The following ZSWIM3 variants were observed in gnomAD, a reference collection of about 807,000 sequenced individuals.
ZSWIM3 encodes zinc finger SWIM-type containing 3.
ZSWIM3 carries 27 observed loss-of-function variants against 47.5 expected under a neutral mutation model. The ratio of observed to expected loss-of-function variants is 0.57; its 90% confidence interval spans 0.42 to 0.78. The LOEUF is 0.78. Among genes scored for constraint, ZSWIM3 ranks in the 30% least tolerant of loss-of-function variants. The pLI, the probability that ZSWIM3 is intolerant of heterozygous loss-of-function variation, is 0.00. For missense variants in ZSWIM3, 689 were observed against 861.3 expected, an observed-to-expected ratio of 0.80 and a Z score of 2.50; for synonymous variants, 333 against 333.9, an observed-to-expected ratio of 1.00 and a Z score of 0.03.
rs1240592825 is a variant in ZSWIM3 at position 45,876,637 on chromosome 20, C to A, written c.156-77C>A. On this transcript the variant is annotated intron_variant, in intron 1 of 1. Coordinates refer to ENST00000255152, the MANE Select transcript of ZSWIM3 (RefSeq NM_080752.4). ...TATAGGCATGAGCCACTGTACCCAG[C>A]CCCCTTCAGGGTCTTATCTTTATAA... The A allele has an allele frequency of 3.3e-6, 5 of 1,525,994 alleles. No individual in the cohort carries two copies. In the East Asian group the frequency reaches 1.1e-4, roughly 34 times the overall value. 94.5% of individuals were successfully genotyped at this position (1,525,994 alleles called of 1,614,324 possible). A position where few individuals can be genotyped will look rare whatever the true frequency, so the allele number is the denominator to read the frequency against.
At position 45,877,873 on chromosome 20, in the gene ZSWIM3, C is replaced by G. The variant is rs762486983; in HGVS notation, c.1315C>G (p.Pro439Ala). ...CTTGAAGAACTTGCCCACACCTCCTCCCAAATTAAAGAGAGCTCGGCCGGC... is the reference window on the plus strand; with the variant it reads ...CTTGAAGAACTTGCCCACACCTCCTGCCAAATTAAAGAGAGCTCGGCCGGC... ...KGLKNLPTPP[P>A]KLKRARPASM... The change falls in exon 2 of 2, where the codon CCC (proline) becomes GCC (alanine). Residue 439 changes from proline to alanine, a missense_variant. Transcript: ENST00000255152. 1.9e-6 allele frequency: 3 copies of G among 1,614,060 alleles called. No homozygotes were observed. Among genetic ancestry groups the G allele is most frequent in the African/African-American group, 2.7e-5 (2 of 74,932 alleles).
chr20:45,875,035 C>CTTTTTTT (rs35356697), intron 1 of ZSWIM3, among the ~76,000 whole-genome samples: 12 of 90,538 alleles, frequency 1.3e-4, no homozygotes, highest in African/African-American at 1.7e-4. Flanking sequence ...TTAATTTTAA[C>CTTTTTTT]TTTTTTTTTT....
intron 1 of ZSWIM3, among the ~76,000 whole-genome samples, chr20:45,870,586 A>G (rs1985951576): frequency 6.6e-6 from 1 of 152,182 alleles, no homozygotes. Context: ...TTTAAGTGGT[A>G]CTGATTATTC....
chr20:45,859,763 T>G (rs1985655254), intron 1 of ZSWIM3, among the ~76,000 whole-genome samples: 1 of 120,470 alleles, frequency 8.3e-6, no homozygotes. Context: ...CCTTTATGGG[T>G]AGGACCTTGC....
rs771401157 is a variant in ZSWIM3 at position 45,877,693 on chromosome 20, A to G, written c.1135A>G (p.Met379Val). The change falls in exon 2 of 2, where the codon ATG (methionine) becomes GTG (valine). Residue 379 changes from methionine to valine, a missense_variant. Physicochemically the swap from Met to Val is conservative, Grantham distance 21. Coordinates refer to ENST00000255152, the MANE Select transcript of ZSWIM3 (RefSeq NM_080752.4). ...HWFTCELLWY[M>V]HVRKGLLACN... is the part of the protein sequence containing the mutation. ...GTTCACCTGTGAACTGCTGTGGTAC[A>G]TGCATGTTAGGAAGGGCCTGCTTGC... 3 of 1,614,062 alleles carry G rather than the reference A, an allele frequency of 1.9e-6. No individual in the cohort carries two copies. The highest frequency in any genetic ancestry group is 1.1e-5 in the South Asian group (1 of 91,086).
chr20:45,861,165 C>T (rs62213291), intron 1 of ZSWIM3, among the ~76,000 whole-genome samples: 1 of 152,198 alleles, frequency 6.6e-6, no homozygotes, highest in South Asian at 2.1e-4. Context: ...CGTATAATTC[C>T]AGCACTTTGG....
chr20:45,877,633 G>A lies in ZSWIM3; in HGVS notation c.1075G>A (p.Asp359Asn). ...NLCQMSQAVL[D>N]EDLFNFLQAH... ...CTGCCAGATGTCCCAGGCCGTACTGGATGAGGATCTCTTCAACTTCCTGCA... is the reference window on the plus strand; with the variant it reads ...CTGCCAGATGTCCCAGGCCGTACTGAATGAGGATCTCTTCAACTTCCTGCA... Residue 359 changes from aspartate (D) to asparagine (N), a missense_variant, in exon 2 of 2, where the codon GAT (aspartate) becomes AAT (asparagine). Coordinates refer to ENST00000255152, the MANE Select transcript of ZSWIM3 (RefSeq NM_080752.4). 6.2e-7 allele frequency: 1 copy of A among 1,614,208 alleles called. No homozygotes were observed. Among genetic ancestry groups the A allele is most frequent in the Non-Finnish European group, 8.5e-7 (1 of 1,180,026 alleles).
chr20:45,877,441 CAGG>C lies in ZSWIM3; in HGVS notation c.886_888del (p.Glu296del), dbSNP rs773734126. ...TTCATTCCATTACCGGGCTATCCTG[CAGG>C]AGATCTTTCCTGCTGCCCGCATCCT... is the stretch of plus-strand genomic sequence containing the variant. On this transcript the variant is annotated inframe_deletion, in exon 2 of 2. Coordinates refer to ENST00000255152, the MANE Select transcript of ZSWIM3 (RefSeq NM_080752.4). The C allele has an allele frequency of 1.2e-6, 2 of 1,614,084 alleles. No individual in the cohort carries two copies. Among genetic ancestry groups the C allele is most frequent in the Non-Finnish European group, 8.5e-7 (1 of 1,180,046 alleles).
intron 1 of ZSWIM3, among the ~76,000 whole-genome samples, chr20:45,869,240 C>T (rs1180704377): frequency 1.3e-5 from 2 of 151,656 alleles, no homozygotes; most frequent in Non-Finnish European, 2.9e-5. Flanking sequence ...TCTGGGTGGC[C>T]GGGCGCAGTG....
Position 45,877,217 on chromosome 20 carries a change from A to C in ZSWIM3, c.659A>C (p.Asn220Thr). Residue 220 changes from asparagine to threonine, a missense_variant, in exon 2 of 2, where the codon AAT becomes ACT. Asn to Thr is a moderately conservative substitution (Grantham distance 65). Transcript: ENST00000255152. ...GACCTGTTCATCCGCTTCCCAGAGA[A>C]TCTCTTGCTACACCGGGTGGAGAAC... is the stretch of plus-strand genomic sequence containing the variant. The part of the protein sequence containing the change: ...MTDLFIRFPE[N>T]LLLHRVENTQ... 6.2e-7 allele frequency: 1 copy of C among 1,613,898 alleles called. No homozygotes were observed. Among genetic ancestry groups the C allele is most frequent in the Non-Finnish European group, 8.5e-7 (1 of 1,179,998 alleles).
intron 1 of ZSWIM3, among the ~76,000 whole-genome samples, chr20:45,871,286 G>T (rs1985969451): frequency 6.6e-6 from 1 of 152,042 alleles, no homozygotes; most frequent in Non-Finnish European, 1.5e-5. Flanking sequence ...ATCTGGAGGG[G>T]GTCAACCAGT....
At chr20:45,859,438 A>AT (rs141947687) in intron 1 of ZSWIM3, among the ~76,000 whole-genome samples, 1 of 146,654 alleles carries the variant, frequency 6.8e-6, no homozygotes, top group Non-Finnish European at 1.5e-5. Context: ...AAAAAAAAAA[A>AT]AAGAAATGTA....
rs1986039260 is a variant in ZSWIM3 at position 45,874,245 on chromosome 20, C to G, written c.156-2469C>G. On this transcript the variant is annotated intron_variant, in intron 1 of 1. Coordinates refer to ENST00000255152, the MANE Select transcript of ZSWIM3 (RefSeq NM_080752.4). The stretch of plus-strand genomic sequence containing the variant: ...GAAAGAAAGAGGCCGAGGGCGGTGG[C>G]TCACGCCTGTAATCTCAGCACTTTG... Among the ~76,000 whole-genome samples, 3 of 152,302 alleles carry G rather than the reference C, an allele frequency of 2.0e-5. No individual in the cohort carries two copies. In the South Asian group the frequency reaches 6.2e-4, roughly 32 times the overall value.
chr20:45,878,530 C>G lies in ZSWIM3; in HGVS notation c.1972C>G (p.Pro658Ala). The G allele has an allele frequency of 6.2e-7, 1 of 1,614,200 alleles. No individual in the cohort carries two copies. Among genetic ancestry groups the G allele is most frequent in the African/African-American group, 1.3e-5 (1 of 75,050 alleles). The change falls in exon 2 of 2, where the codon CCA becomes GCA. Residue 658 changes from proline (P) to alanine (A), a missense_variant. Coordinates refer to ENST00000255152, the MANE Select transcript of ZSWIM3 (RefSeq NM_080752.4). ...GGATATCTGGGCTGGCCCCTCCCAG[C>G]CATCTGAGCTCTTTCAGCAGCCAGG... ...IVDIWAGPSQ[P>A]SELFQQPGDF... is the part of the protein sequence containing the mutation.
At position 45,858,729 on chromosome 20, in the gene ZSWIM3, C is replaced by A. The variant is rs529525850; in HGVS notation, c.155+749C>A. ...TCCTTATATTAACCGTTTTCAAACA[C>A]TTTCCATGTGCCAGGCAGTGTTCTC... On this transcript the variant is annotated intron_variant, in intron 1 of 1. Coordinates refer to ENST00000255152, the MANE Select transcript of ZSWIM3 (RefSeq NM_080752.4). Among the ~76,000 whole-genome samples the A allele has an allele frequency of 1.1e-4, 16 of 152,286 alleles. No individual in the cohort carries two copies. The South Asian group carries it at 3.3e-3, about 32-fold the overall frequency.
rs1300290567 is a variant in ZSWIM3 at position 45,878,166 on chromosome 20, A to AGAG, written c.1611_1613dup (p.Glu537dup). The AGAG allele has an allele frequency of 1.1e-5, 18 of 1,614,098 alleles. No homozygotes were observed. Among genetic ancestry groups the AGAG allele is most frequent in the African/African-American group, 2.7e-5 (2 of 74,932 alleles). On this transcript the variant is annotated inframe_insertion, in exon 2 of 2. Coordinates refer to ENST00000255152, the MANE Select transcript of ZSWIM3 (RefSeq NM_080752.4). ...GCTCTTCAGTGGACGTTCAGCTGCT[A>AGAG]GAGGACTCTCACCAGGTTAGCAAAG...
At chr20:45,859,676 T>C (rs1985653742) in intron 1 of ZSWIM3, among the ~76,000 whole-genome samples, 1 of 151,306 alleles carries the variant, frequency 6.6e-6, no homozygotes, top group Non-Finnish European at 1.5e-5. Flanking sequence ...CAGTGAGGGA[T>C]ACCATGTTTG....
intron 1 of ZSWIM3, among the ~76,000 whole-genome samples, chr20:45,862,000 G>A (rs966988646): frequency 5.9e-5 from 9 of 151,890 alleles, no homozygotes; most frequent in Non-Finnish European, 1.2e-4. Flanking sequence ...CTACACTCCA[G>A]CCTGGGCGAC....
intron 1 of ZSWIM3, among the ~76,000 whole-genome samples, chr20:45,875,345 A>T (rs1601118225): frequency 1.3e-5 from 2 of 150,150 alleles, no homozygotes; most frequent in South Asian, 2.1e-4. Flanking sequence ...CCTGGCCAAA[A>T]TTTTTTTTTA....
Sources: allele counts gnomAD v4.1 joint callset (sites outside exome capture counted in the v4.1 genomes callset), GRCh38; gene constraint gnomAD v4.1.1; transcripts MANE v1.5; gene names NCBI Gene and HGNC (gene_info 2026-07-23, HGNC 2026-07-21).